Variants in ADCY5 observed in about 807,000 individuals in gnomAD.
The protein encoded by ADCY5 is adenylate cyclase type 5.
A neutral mutation model predicts 119.7 loss-of-function variants in ADCY5; 30 were observed. The observed-to-expected ratio is 0.25, with a 90% CI of 0.19 to 0.34. ADCY5 has a LOEUF of 0.34. Ranked by LOEUF, ADCY5 falls within the 10% of genes least tolerant of loss-of-function variation. The pLI is 1.00. For missense variants in ADCY5, 1,324 were observed against 1,775.2 expected (o/e 0.75, Z 4.57); for synonymous variants, 753 against 762.2 (o/e 0.99, Z 0.20).
intron 12 of ADCY5, among the ~76,000 whole-genome samples, chr3:123,305,861 T>G (rs1488296894): frequency 6.6e-6 from 1 of 152,102 alleles, no homozygotes; most frequent in East Asian, 1.9e-4. Flanking sequence ...CAAAGATGGA[T>G]AGATCACAGG....
intron 19 of ADCY5, among the ~76,000 whole-genome samples, chr3:123,288,389 G>C (rs534630159): frequency 6.6e-6 from 1 of 152,234 alleles, no homozygotes; most frequent in Non-Finnish European, 1.5e-5. Context: ...CCAGGGAGTT[G>C]ATAATGCATT....
Position 123,300,230 on chromosome 3 carries a change from G to T in ADCY5, c.2790C>A (p.Ile930=). ...TGGCCAGCATGAGCACCAGCTTCCC[G>T]ATGCAGCTGATCTGCAGGAACACGG... The part of the protein sequence containing the change: ...ACSVFLQISC[I]GKLVLMLAIE... The change falls in exon 15 of 21, where the codon ATC becomes ATA. Residue 930 remains isoleucine (I), a synonymous_variant. Transcript: ENST00000462833. 1 of 1,613,754 alleles carries T rather than the reference G, an allele frequency of 6.2e-7. No individual in the cohort carries two copies. The highest frequency in any genetic ancestry group is 8.5e-7 in the Non-Finnish European group (1 of 1,180,026).
In ADCY5 at chr3:123,448,355, T is replaced by G. The variant is rs1010098398; in HGVS notation, c.191A>C (p.Gln64Pro). The change falls in exon 1 of 21, where the codon CAG becomes CCG. Residue 64 changes from glutamine (Q) to proline (P), a missense_variant. Transcript: ENST00000462833. Reference sequence around the variant, plus strand: ...GCGGCTGGCCAGGCGCTGCTGCTGCTGCGGGGTCACCGCCCCCCCGGGTTT... The same window carrying G: ...GCGGCTGGCCAGGCGCTGCTGCTGCGGCGGGGTCACCGCCCCCCCGGGTTT... Reference protein sequence around the residue: ...TKKPGGAVTPQQQQRLASRWR... With the variant: ...TKKPGGAVTPPQQQRLASRWR... 8.6e-6 allele frequency: 13 copies of G among 1,512,500 alleles called. No homozygotes were observed. The highest frequency in any genetic ancestry group is 4.4e-5 in the African/African-American group (3 of 68,814). 93.7% of individuals were successfully genotyped at this position (1,512,500 alleles called of 1,614,324 possible).
intron 1 of ADCY5, among the ~76,000 whole-genome samples, chr3:123,423,070 C>G (rs1480095525): frequency 6.6e-6 from 1 of 152,156 alleles, no homozygotes; most frequent in South Asian, 2.1e-4. Context: ...ACCCTGGCCC[C>G]GGGCTCAGGA....
chr3:123,396,227 GAAAC>G (rs1295782453), intron 1 of ADCY5, among the ~76,000 whole-genome samples: 3 of 124,208 alleles, frequency 2.4e-5, no homozygotes, highest in African/African-American at 2.7e-5. Context: ...GAAAGAAAAA[GAAAC>G]AAAGAAAGAG....
Position 123,448,013 on chromosome 3 carries a change from A to G in ADCY5, c.533T>C (p.Val178Ala). The G allele has an allele frequency of 1.6e-6, 2 of 1,281,494 alleles. No homozygotes were observed. Among genetic ancestry groups the G allele is most frequent in the Non-Finnish European group, 2.0e-6 (2 of 1,019,880 alleles). 79.4% of individuals were successfully genotyped at this position (1,281,494 alleles called of 1,614,324 possible). Residue 178 changes from valine to alanine, a missense_variant, in exon 1 of 21, where the codon GTC becomes GCC. Transcript: ENST00000462833. ...RAADELEAGA[V>A]EGGEGSGDGG... Reference sequence around the variant, plus strand: ...ATCCCCGGACCCCTCGCCGCCCTCGACGGCGCCGGCCTCCAGCTCGTCGGC... The same window carrying G: ...ATCCCCGGACCCCTCGCCGCCCTCGGCGGCGCCGGCCTCCAGCTCGTCGGC...
At chr3:123,330,797 T>G in intron 5 of ADCY5, 92 bp downstream of exon 5, 1 of 1,466,510 alleles carries the variant, frequency 6.8e-7, no homozygotes, top group Non-Finnish European at 9.1e-7. Context: ...ACTGTTTCCC[T>G]GCCTCCAACT....
chr3:123,440,634 C>A (rs1006226086), intron 1 of ADCY5, among the ~76,000 whole-genome samples: 1 of 152,142 alleles, frequency 6.6e-6, no homozygotes, highest in Non-Finnish European at 1.5e-5. Flanking sequence ...CTGTCTTGCT[C>A]CTCCACCCCC....
At chr3:123,419,048 T>C (rs1310502817) in intron 1 of ADCY5, 1 of 716,108 alleles carries the variant, frequency 1.4e-6, no homozygotes, top group African/African-American at 1.9e-5. Context: ...GTCTTCTCAG[T>C]CTCCGTAACG....
intron 1 of ADCY5, chr3:123,416,096 G>A: frequency 6.9e-7 from 1 of 1,452,508 alleles, no homozygotes; most frequent in Non-Finnish European, 9.3e-7. Context: ...CAGGTGAGGT[G>A]TCCAAGAAGG....
chr3:123,442,234 C>T (rs371839706), intron 1 of ADCY5, among the ~76,000 whole-genome samples: 2 of 152,198 alleles, frequency 1.3e-5, no homozygotes, highest in African/African-American at 4.8e-5. Flanking sequence ...AGGTTGCACC[C>T]ACCACCAAGA....
intron 1 of ADCY5, chr3:123,419,106 TCCTAAGG>T (rs1435499823): frequency 7.9e-5 from 77 of 971,880 alleles, no homozygotes; most frequent in Non-Finnish European, 9.3e-5. Flanking sequence ...TCTATATAAA[TCCTAAGG>T]GTTCTGTTTC....
intron 2 of ADCY5, among the ~76,000 whole-genome samples, chr3:123,348,986 G>A (rs762085749): frequency 4.9e-4 from 75 of 152,152 alleles, no homozygotes; most frequent in Non-Finnish European, 9.4e-4. Context: ...AACATGGCAC[G>A]TCCCACCTCT....
At chr3:123,439,577 AG>A (rs748342806) in intron 1 of ADCY5, among the ~76,000 whole-genome samples, 4 of 152,330 alleles carry the variant, frequency 2.6e-5, no homozygotes, top group East Asian at 3.9e-4. Flanking sequence ...ATAGATATAC[AG>A]GAAAAAAACA....
intron 1 of ADCY5, among the ~76,000 whole-genome samples, chr3:123,442,116 A>C (rs1945734131): frequency 6.6e-6 from 1 of 152,158 alleles, no homozygotes; most frequent in South Asian, 2.1e-4. Flanking sequence ...CTAGGGCCTC[A>C]CTTATGTAAC....
chr3:123,310,103 TACACACACACACACACAC>T (rs60966110), intron 12 of ADCY5, among the ~76,000 whole-genome samples: 26 of 121,134 alleles, frequency 2.1e-4, no homozygotes, highest in Admixed American at 5.4e-4. Context: ...GAGAGAGATT[TACACACACACACACACAC>T]ACACACACAC....
chr3:123,302,315 C>T (rs1303900076), intron 14 of ADCY5, among the ~76,000 whole-genome samples: 2 of 152,160 alleles, frequency 1.3e-5, no homozygotes, highest in Non-Finnish European at 2.9e-5. Flanking sequence ...AATAAGGATA[C>T]GTGGTATTAT....
chr3:123,348,035 C>T, intron 2 of ADCY5, 132 bp from the exon 3 acceptor site: 1 of 448,236 alleles, frequency 2.2e-6, no homozygotes, highest in Non-Finnish European at 3.7e-6. Flanking sequence ...CCTGGGTTAA[C>T]AGTGTGTGTG....
Position 123,447,644 on chromosome 3 carries a change from G to C in ADCY5, c.902C>G (p.Ala301Gly), listed in dbSNP as rs1945847293. 1 of 1,608,622 alleles carries C rather than the reference G, an allele frequency of 6.2e-7. No individual in the cohort carries two copies. Among genetic ancestry groups the C allele is most frequent in the Non-Finnish European group, 8.5e-7 (1 of 1,178,074 alleles). ...CACCACGGCGATGAGCGCATAGCAG[G>C]CCAGGCCCATGTGGTCCTGGTGGAA... Reference protein sequence around the residue: ...AAFHQDHMGLACYALIAVVLA... With the variant: ...AAFHQDHMGLGCYALIAVVLA... The change falls in exon 1 of 21, where the codon GCC (alanine) becomes GGC (glycine). Residue 301 changes from alanine (A) to glycine (G), a missense_variant. Transcript: ENST00000462833.
Sources: gnomAD v4.1 joint callset for allele counts (sites outside exome capture counted in the v4.1 genomes callset) on GRCh38, gnomAD v4.1.1 for gene constraint, MANE v1.5 for transcripts, NCBI Gene and HGNC (gene_info 2026-07-23, HGNC 2026-07-21) for gene names.